The following BRD10 variants were observed in gnomAD, a reference collection of about 807,000 sequenced individuals.
BRD10 encodes bromodomain containing 10, also known as uncharacterized bromodomain-containing protein 10.
the BRD10 span, among the ~76,000 whole-genome samples, chr9:5,904,757 G>A: frequency 6.7e-5 from 10 of 149,462 alleles, no homozygotes; most frequent in East Asian, 2.0e-4. Context: ...GAGCCACCGC[G>A]CCCAGTCCAG....
chr9:5,887,034 G>A, the BRD10 span, among the ~76,000 whole-genome samples: 118 of 152,194 alleles, frequency 7.8e-4, 2 homozygotes, highest in Non-Finnish European at 1.6e-3. Context: ...AGAGGTGGGC[G>A]GACCACTAGA....
chr9:5,935,798 C>T, the BRD10 span, among the ~76,000 whole-genome samples: 1 of 152,158 alleles, frequency 6.6e-6, no homozygotes, highest in Non-Finnish European at 1.5e-5. Flanking sequence ...TCTCACAACG[C>T]CTAACTCTGA....
chr9:5,969,286 C>G, the BRD10 span: 1 of 1,613,898 alleles, frequency 6.2e-7, no homozygotes, highest in Admixed American at 1.7e-5. Context: ...TTAGAATTTG[C>G]TGAGCTAAAC....
At chr9:5,996,807 C>G in the BRD10 span, among the ~76,000 whole-genome samples, 1 of 152,194 alleles carries the variant, frequency 6.6e-6, no homozygotes, top group Non-Finnish European at 1.5e-5. Flanking sequence ...TAGGGCTGCT[C>G]TGCTGAACAT....
the BRD10 span, among the ~76,000 whole-genome samples, chr9:5,950,476 G>C: frequency 1.3e-5 from 2 of 152,168 alleles, no homozygotes; most frequent in East Asian, 3.9e-4. Flanking sequence ...CAGTGGTAGA[G>C]CTGGCATTCA....
the BRD10 span, among the ~76,000 whole-genome samples, chr9:5,998,939 A>G: frequency 6.6e-6 from 1 of 152,028 alleles, no homozygotes; most frequent in African/African-American, 2.4e-5. Flanking sequence ...ATCATATTTA[A>G]TAGTTTTTAA....
chr9:5,899,712 T>A, the BRD10 span, among the ~76,000 whole-genome samples: 6 of 152,216 alleles, frequency 3.9e-5, no homozygotes, highest in South Asian at 2.1e-4. Flanking sequence ...AATTGGCTAT[T>A]TACTTTTTGC....
chr9:5,956,789 T>C, the BRD10 span, among the ~76,000 whole-genome samples: 1 of 152,284 alleles, frequency 6.6e-6, no homozygotes, highest in East Asian at 1.9e-4. Context: ...ATACTTAACT[T>C]AGAGTACTGT....
chr9:5,947,751 A>G, the BRD10 span, among the ~76,000 whole-genome samples: 1 of 152,130 alleles, frequency 6.6e-6, no homozygotes, highest in Non-Finnish European at 1.5e-5. Context: ...AATAAGGCAT[A>G]TATGTGGCCA....
chr9:6,003,319 A>G, the BRD10 span, among the ~76,000 whole-genome samples: 1 of 152,224 alleles, frequency 6.6e-6, no homozygotes, highest in Non-Finnish European at 1.5e-5. Context: ...TTTCAAAAAT[A>G]TCATCATTTA....
chr9:5,913,878 T>C, the BRD10 span: 1 of 309,074 alleles, frequency 3.2e-6, no homozygotes, highest in South Asian at 2.7e-5. Context: ...ATCTTTGTAG[T>C]CTAAAAATGC....
the BRD10 span, among the ~76,000 whole-genome samples, chr9:5,976,353 G>A: frequency 1.2e-3 from 184 of 152,220 alleles, no homozygotes; most frequent in African/African-American, 4.4e-3. Flanking sequence ...TTTCTTCAAT[G>A]TACTGTTATT....
chr9:5,973,811 G>A, the BRD10 span, among the ~76,000 whole-genome samples: 1 of 152,198 alleles, frequency 6.6e-6, no homozygotes, highest in African/African-American at 2.4e-5. Context: ...GAGCCCAGGA[G>A]GTCAAGGTTG....
the BRD10 span, among the ~76,000 whole-genome samples, chr9:5,948,876 T>C: frequency 2.0e-5 from 3 of 152,128 alleles, no homozygotes; most frequent in African/African-American, 7.2e-5. Context: ...TATAATGGCA[T>C]CTGCTAAAAC....
At chr9:6,007,711 T>C in the BRD10 span, 1 of 1,605,202 alleles carries the variant, frequency 6.2e-7, no homozygotes, top group Non-Finnish European at 8.5e-7. Context: ...CTCGTCGTCC[T>C]CTCCTTCGGC....
the BRD10 span, among the ~76,000 whole-genome samples, chr9:5,966,936 C>G: frequency 6.6e-6 from 1 of 152,114 alleles, no homozygotes; most frequent in Non-Finnish European, 1.5e-5. Context: ...TTAAATTAAG[C>G]CTGTTTTTGG....
the BRD10 span, among the ~76,000 whole-genome samples, chr9:6,006,625 C>T: frequency 2.0e-5 from 3 of 152,044 alleles, no homozygotes; most frequent in Non-Finnish European, 4.4e-5. Context: ...CCTATTATTG[C>T]AAAAATTGGG....
At chr9:5,964,110 G>GA in the BRD10 span, among the ~76,000 whole-genome samples, 1 of 151,832 alleles carries the variant, frequency 6.6e-6, no homozygotes. Context: ...CCATCAGAGT[G>GA]AACAGGCAAC....
At chr9:5,986,554 A>G in the BRD10 span, among the ~76,000 whole-genome samples, 1 of 152,216 alleles carries the variant, frequency 6.6e-6, no homozygotes, top group Admixed American at 6.5e-5. Context: ...GTCTTCCACA[A>G]CGGCTGAACT....
Sources: allele counts gnomAD v4.1 joint callset (sites outside exome capture counted in the v4.1 genomes callset), GRCh38; gene constraint gnomAD v4.1.1; transcripts MANE v1.5; gene names NCBI Gene and HGNC (gene_info 2026-07-23, HGNC 2026-07-21).